SLC7A11: variants seen among roughly 807,000 people sequenced by gnomAD.
The protein encoded by SLC7A11 is solute carrier family 7 member 11.
Under a neutral mutation model 54.5 loss-of-function variants are expected in SLC7A11, and 35 were observed. That is an observed-to-expected ratio of 0.64 (90% confidence interval 0.49 to 0.85). SLC7A11 has a LOEUF of 0.85. Among genes scored for constraint, SLC7A11 ranks in the 40% least tolerant of loss-of-function variants. The pLI, the probability that SLC7A11 is intolerant of heterozygous loss-of-function variation, is 0.00. For synonymous variants in SLC7A11, 230 were observed against 225.2 expected (o/e 1.02, Z -0.19); for missense variants, 583 against 618.1 (o/e 0.94, Z 0.60).
At chr4:138,195,612 A>T (rs1435731836) in intron 6 of SLC7A11, among the ~76,000 whole-genome samples, 4 of 152,120 alleles carry the variant, frequency 2.6e-5, no homozygotes, top group Non-Finnish European at 5.9e-5. Flanking sequence ...TCCTCAGGGA[A>T]ACCTTACCTC....
At chr4:138,232,617 T>C (rs1267606823) in intron 2 of SLC7A11, among the ~76,000 whole-genome samples, 2 of 152,226 alleles carry the variant, frequency 1.3e-5, no homozygotes, top group Admixed American at 1.3e-4. Flanking sequence ...GTAAGTACTA[T>C]CAACTTTTCC....
Position 138,165,625 on chromosome 4 carries a change from T to G in SLC7A11, c.*6331A>C, listed in dbSNP as rs932035234. The stretch of plus-strand genomic sequence containing the variant: ...ATACTATTGTGCAAAGATGAAAATT[T>G]GGAGCCAATGTCTGTATTCAAAATA... On this transcript the variant is annotated 3_prime_UTR_variant, in exon 12 of 12. Coordinates refer to ENST00000280612, the MANE Select transcript of SLC7A11 (RefSeq NM_014331.4). The G allele has an allele frequency of 2.0e-5, 3 of 152,168 alleles. No homozygotes were observed. Among genetic ancestry groups the G allele is most frequent in the Admixed American group, 1.3e-4 (2 of 15,270 alleles). The allele number at this position is 152,168 out of a possible 1,614,324, so 9.4% of individuals were successfully genotyped here. A position where few individuals can be genotyped will look rare whatever the true frequency, so the allele number is the denominator to read the frequency against.
At chr4:138,239,886 T>C (rs1297964168) in intron 1 of SLC7A11, among the ~76,000 whole-genome samples, 1 of 152,178 alleles carries the variant, frequency 6.6e-6, no homozygotes, top group Non-Finnish European at 1.5e-5. Context: ...CTGGTTGTGG[T>C]TTTTCTGATT....
chr4:138,220,043 G>A (rs1362791698), intron 4 of SLC7A11, among the ~76,000 whole-genome samples: 8 of 150,938 alleles, frequency 5.3e-5, no homozygotes, highest in Admixed American at 6.6e-5. Context: ...GGGTTCAAGT[G>A]ATTCTCCAGC....
chr4:138,187,648 CTA>C (rs1234224034), intron 6 of SLC7A11, among the ~76,000 whole-genome samples: 1 of 152,084 alleles, frequency 6.6e-6, no homozygotes, highest in Admixed American at 6.6e-5. Context: ...TTTTATCAAA[CTA>C]GTATTTCTCA....
intron 11 of SLC7A11, among the ~76,000 whole-genome samples, chr4:138,172,745 C>G (rs1044047262): frequency 1.3e-5 from 2 of 152,138 alleles, no homozygotes; most frequent in Admixed American, 6.6e-5. Context: ...CCTTCAGAAC[C>G]ATTGAGCTAG....
Position 138,242,256 on chromosome 4 carries a change from G to T in SLC7A11, c.-187C>A. 1.6e-6 allele frequency: 1 copy of T among 644,798 alleles called. No individual in the cohort carries two copies. The highest frequency in any genetic ancestry group is 1.9e-5 in the South Asian group (1 of 51,446). 39.9% of individuals were successfully genotyped at this position (644,798 alleles called of 1,614,324 possible). A position where few individuals can be genotyped will look rare whatever the true frequency, so the allele number is the denominator to read the frequency against. On this transcript the variant is annotated 5_prime_UTR_variant, in exon 1 of 12. It adds an upstream start codon to the 5' untranslated region. Transcript: ENST00000280612. ...TTCACAGCGATCTAATTACTACTCA[G>T]AAACACCTGTGTATGCATCGTGCTC...
At position 138,170,949 on chromosome 4, in the gene SLC7A11, G is replaced by T. The variant is rs1560713843; in HGVS notation, c.*1007C>A. ...ACAAACTGTCAAAATTCATCATCGT[G>T]TAAAAATAGCCATAAATTTAAAAAA... On this transcript the variant is annotated 3_prime_UTR_variant, in exon 12 of 12. Coordinates refer to ENST00000280612, the MANE Select transcript of SLC7A11 (RefSeq NM_014331.4). 1 of 152,124 alleles carries T rather than the reference G, an allele frequency of 6.6e-6. No individual in the cohort carries two copies. Among genetic ancestry groups the T allele is most frequent in the East Asian group, 1.9e-4 (1 of 5,196 alleles). 9.4% of individuals were successfully genotyped at this position (152,124 alleles called of 1,614,324 possible). A position where few individuals can be genotyped will look rare whatever the true frequency, so the allele number is the denominator to read the frequency against.
intron 2 of SLC7A11, among the ~76,000 whole-genome samples, chr4:138,235,366 C>G (rs150570052): frequency 7.4e-4 from 112 of 151,660 alleles, no homozygotes; most frequent in East Asian, 5.8e-3. Flanking sequence ...AATGAAAAAG[C>G]CTTCATGAAG....
intron 11 of SLC7A11, among the ~76,000 whole-genome samples, chr4:138,175,112 A>G (rs1736537701): frequency 1.3e-5 from 2 of 152,208 alleles, no homozygotes; most frequent in African/African-American, 4.8e-5. Context: ...ATTAACTTAC[A>G]TATTGCACTG....
chr4:138,194,016 T>A (rs145165385), intron 6 of SLC7A11, among the ~76,000 whole-genome samples: 1 of 151,998 alleles, frequency 6.6e-6, no homozygotes, highest in African/African-American at 2.4e-5. Context: ...GGGAAGCCAA[T>A]AGAAATGGCC....
rs367889373 is a variant in SLC7A11 at position 138,202,180 on chromosome 4, A to G, written c.791+12405T>C. ...TTTTATATCTTCTGTGGGCATATAT[A>G]ATAAAAGTAGTAAATAGGATTAGGG... On this transcript the variant is annotated intron_variant, in intron 6 of 11. Transcript: ENST00000280612. Among the ~76,000 whole-genome samples, 277 of 152,210 alleles carry G rather than the reference A, an allele frequency of 1.8e-3. 2 individuals carry two copies. The highest frequency in any genetic ancestry group is 6.2e-3 in the African/African-American group (257 of 41,564).
intron 6 of SLC7A11, among the ~76,000 whole-genome samples, chr4:138,188,653 G>A (rs1462293842): frequency 6.6e-6 from 1 of 152,176 alleles, no homozygotes; most frequent in Non-Finnish European, 1.5e-5. Context: ...GGAGGCTTTA[G>A]ACGCACAGCG....
chr4:138,233,262 G>A (rs1738125379), intron 2 of SLC7A11, among the ~76,000 whole-genome samples: 2 of 149,510 alleles, frequency 1.3e-5, no homozygotes, highest in African/African-American at 4.9e-5. Flanking sequence ...TCAGCTCACT[G>A]CAACCTCCGC....
intron 7 of SLC7A11, among the ~76,000 whole-genome samples, chr4:138,184,650 A>T (rs1382836286): frequency 6.6e-6 from 1 of 152,148 alleles, no homozygotes; most frequent in African/African-American, 2.4e-5. Context: ...TCGCAGGACT[A>T]GTATTCAAAA....
At chr4:138,214,224 T>A (rs776437254) in intron 6 of SLC7A11, among the ~76,000 whole-genome samples, 39 of 152,048 alleles carry the variant, frequency 2.6e-4, no homozygotes, top group Admixed American at 1.1e-3. Context: ...AATAATTAAC[T>A]TTTTGAGTTC....
intron 5 of SLC7A11, among the ~76,000 whole-genome samples, chr4:138,215,564 G>GT: frequency 6.6e-6 from 1 of 152,086 alleles, no homozygotes; most frequent in East Asian, 1.9e-4. Context: ...AACAGTAGCA[G>GT]TAACGGTGAT....
chr4:138,181,879 A>G (rs1159697762), intron 9 of SLC7A11, among the ~76,000 whole-genome samples: 1 of 152,116 alleles, frequency 6.6e-6, no homozygotes, highest in South Asian at 2.1e-4. Flanking sequence ...AATTGTTTCA[A>G]TAATTTTGTG....
chr4:138,198,284 G>A lies in SLC7A11; in HGVS notation c.792-13040C>T, dbSNP rs557296659. 2.1e-3 allele frequency among the ~76,000 whole-genome samples: 320 copies of A among 152,138 alleles called. 1 individual carries two copies. Among genetic ancestry groups the A allele is most frequent in the Middle Eastern group, 0.017 (5 of 294 alleles). On this transcript the variant is annotated intron_variant, in intron 6 of 11. Transcript: ENST00000280612. Reference sequence around the variant, plus strand: ...TTATAGAAACAAAACCACAAGTTTTGTAAGCTGTGATCATAAAGAAAATTG... The same window carrying A: ...TTATAGAAACAAAACCACAAGTTTTATAAGCTGTGATCATAAAGAAAATTG...
Sources: allele counts gnomAD v4.1 joint callset (sites outside exome capture counted in the v4.1 genomes callset), GRCh38; gene constraint gnomAD v4.1.1; transcripts MANE v1.5; gene names NCBI Gene and HGNC (gene_info 2026-07-23, HGNC 2026-07-21).